The following LRRTM4 variants were observed in gnomAD, a reference collection of about 807,000 sequenced individuals.
The protein encoded by LRRTM4 is leucine-rich repeat transmembrane neuronal protein 4.
A neutral mutation model predicts 47.6 loss-of-function variants in LRRTM4; 25 were observed. The observed-to-expected ratio is 0.53, with a 90% confidence interval of 0.38 to 0.73. LRRTM4 has a LOEUF of 0.73. Ranked by LOEUF, LRRTM4 falls within the 30% of genes least tolerant of loss-of-function variation. The pLI is 0.00. For missense variants in LRRTM4, 638 were observed against 713.4 expected, an observed-to-expected ratio of 0.89 and a Z score of 1.20; for synonymous variants, 311 against 269.5, an observed-to-expected ratio of 1.15 and a Z score of -1.51.
chr2:77,214,304 T>C (rs1674377261), intron 3 of LRRTM4, among the ~76,000 whole-genome samples: 1 of 152,164 alleles, frequency 6.6e-6, no homozygotes, highest in East Asian at 1.9e-4. Context: ...ATTAATTGCT[T>C]GGGGTTAAGT....
At chr2:76,935,758 T>G (rs2103846890) in intron 3 of LRRTM4, among the ~76,000 whole-genome samples, 1 of 152,200 alleles carries the variant, frequency 6.6e-6, no homozygotes, top group African/African-American at 2.4e-5. Flanking sequence ...GACAATGGGG[T>G]TTTCTAAATA....
chr2:76,994,371 CT>C lies in LRRTM4; in HGVS notation c.1552-245456del, dbSNP rs539825236. On this transcript the variant is annotated intron_variant, in intron 3 of 3. Coordinates refer to ENST00000409884, the MANE Select transcript of LRRTM4 (RefSeq NM_001134745.3). ...GAATCCCCCAAGCTGTGTTTCTATC[CT>C]GCAACATATAACCAATTTCATGTGC... Among the ~76,000 whole-genome samples, 33 of 151,916 alleles carry C rather than the reference CT, an allele frequency of 2.2e-4. No homozygotes were observed. In the South Asian group the frequency reaches 6.2e-3, roughly 29 times the overall value.
intron 3 of LRRTM4, among the ~76,000 whole-genome samples, chr2:77,353,523 A>C (rs1294422311): frequency 6.6e-6 from 1 of 152,142 alleles, no homozygotes; most frequent in Non-Finnish European, 1.5e-5. Flanking sequence ...ATTTCACATA[A>C]AACTGTAATG....
In LRRTM4 at chr2:77,519,248, T is replaced by C. The variant is rs1320579671; in HGVS notation, c.621A>G (p.Leu207=). 1.2e-6 allele frequency: 2 copies of C among 1,613,244 alleles called. No homozygotes were observed. Among genetic ancestry groups the C allele is most frequent in the African/African-American group, 2.7e-5 (2 of 74,860 alleles). ...SRNAFAGLLK[L]KELHLEHNQF... ...GGTTGTGCTCCAGGTGGAGCTCCTTTAACTTCAAGAGGCCAGCAAATGCAT... is the reference window on the plus strand; with the variant it reads ...GGTTGTGCTCCAGGTGGAGCTCCTTCAACTTCAAGAGGCCAGCAAATGCAT... The change falls in exon 3 of 4, where the codon TTA becomes TTG. Residue 207 remains leucine, a synonymous_variant. Coordinates refer to ENST00000409884, the MANE Select transcript of LRRTM4 (RefSeq NM_001134745.3). This position sits in a 1 kb window ranked among gnomAD's most constrained non-coding sequence, Gnocchi z 4.6.
At chr2:77,024,734 T>C (rs1267676031) in intron 3 of LRRTM4, among the ~76,000 whole-genome samples, 3 of 152,092 alleles carry the variant, frequency 2.0e-5, no homozygotes, top group Non-Finnish European at 2.9e-5. Context: ...ACTCTGAAAA[T>C]ATAAAACACT....
chr2:77,154,405 G>A (rs183669941), intron 3 of LRRTM4, among the ~76,000 whole-genome samples: 24 of 152,238 alleles, frequency 1.6e-4, no homozygotes, highest in Admixed American at 1.4e-3. Flanking sequence ...ATCACTATGT[G>A]TTTAATGATT....
chr2:77,249,175 C>A (rs1164570680), intron 3 of LRRTM4, among the ~76,000 whole-genome samples: 1 of 151,898 alleles, frequency 6.6e-6, no homozygotes, highest in Non-Finnish European at 1.5e-5. Flanking sequence ...CATGGTGAAA[C>A]CCCGTCTCTA....
intron 3 of LRRTM4, among the ~76,000 whole-genome samples, chr2:77,388,403 C>T (rs1219070938): frequency 1.3e-5 from 2 of 152,086 alleles, no homozygotes; most frequent in Non-Finnish European, 2.9e-5. Flanking sequence ...GGAGTCTGCA[C>T]TCATAGTTAC....
chr2:77,455,152 C>T (rs1387468456), intron 3 of LRRTM4, among the ~76,000 whole-genome samples: 1 of 152,160 alleles, frequency 6.6e-6, no homozygotes, highest in Non-Finnish European at 1.5e-5. Context: ...AGCACCACTG[C>T]ACTCTAGCCT....
chr2:77,396,546 T>A (rs938970321), intron 3 of LRRTM4, among the ~76,000 whole-genome samples: 2 of 151,984 alleles, frequency 1.3e-5, no homozygotes, highest in East Asian at 3.9e-4. Context: ...GTCTACAAAT[T>A]TTTTAAATCC....
chr2:77,275,057 TA>T (rs1006001005), intron 3 of LRRTM4, among the ~76,000 whole-genome samples: 4 of 151,722 alleles, frequency 2.6e-5, no homozygotes, highest in African/African-American at 9.7e-5. Flanking sequence ...GTTTAACTCT[TA>T]AAAAAAAGAG....
At chr2:76,860,919 G>T (rs1208908052) in intron 3 of LRRTM4, among the ~76,000 whole-genome samples, 1 of 151,950 alleles carries the variant, frequency 6.6e-6, no homozygotes, top group Non-Finnish European at 1.5e-5. Context: ...CAGAGGAAAG[G>T]CCTGGTGTTA....
intron 3 of LRRTM4, among the ~76,000 whole-genome samples, chr2:77,251,349 G>T (rs2104014903): frequency 6.6e-6 from 1 of 151,476 alleles, no homozygotes; most frequent in South Asian, 2.1e-4. Flanking sequence ...GTCTATTGTA[G>T]ATTTTTAAGC....
intron 3 of LRRTM4, among the ~76,000 whole-genome samples, chr2:76,900,330 G>A (rs186567654): frequency 2.3e-5 from 3 of 133,216 alleles, no homozygotes; most frequent in Admixed American, 1.7e-4. Flanking sequence ...GTTTTTTGTA[G>A]ATAAAAATAT....
intron 3 of LRRTM4, among the ~76,000 whole-genome samples, chr2:76,970,075 CG>C (rs1475699502): frequency 1.3e-5 from 2 of 151,876 alleles, no homozygotes; most frequent in Non-Finnish European, 2.9e-5. Context: ...ACTTGTTCAT[CG>C]TCACTCAACA....
chr2:77,227,287 A>T (rs1191238529), intron 3 of LRRTM4, among the ~76,000 whole-genome samples: 1 of 152,088 alleles, frequency 6.6e-6, no homozygotes, highest in Non-Finnish European at 1.5e-5. Flanking sequence ...TGTTTATTTT[A>T]TTTTAATATT....
intron 3 of LRRTM4, among the ~76,000 whole-genome samples, chr2:76,863,434 T>G (rs1439028595): frequency 6.6e-6 from 1 of 152,124 alleles, no homozygotes; most frequent in Non-Finnish European, 1.5e-5. Flanking sequence ...GGATGAGTAT[T>G]TGAGTAAAGA....
intron 3 of LRRTM4, among the ~76,000 whole-genome samples, chr2:77,069,114 C>G (rs556045205): frequency 6.6e-6 from 1 of 152,010 alleles, no homozygotes; most frequent in Non-Finnish European, 1.5e-5. Flanking sequence ...AATCTCTATT[C>G]GAGGCTTTCA....
chr2:77,067,722 T>C (rs72807206), intron 3 of LRRTM4, among the ~76,000 whole-genome samples: 20,382 of 120,398 alleles, frequency 0.17, 1,481 homozygotes, highest in East Asian at 0.3. Flanking sequence ...CACACATACA[T>C]ATTTCAGGAA....
Sources: gnomAD v4.1 joint callset for allele counts (sites outside exome capture counted in the v4.1 genomes callset) on GRCh38, gnomAD v4.1.1 for gene constraint, Gnocchi (gnomAD v3.1) non-coding constraint, MANE v1.5 for transcripts, NCBI Gene and HGNC (gene_info 2026-07-23, HGNC 2026-07-21) for gene names.